DAPK1: variants seen among roughly 807,000 people sequenced by gnomAD.
DAPK1 encodes the protein death-associated protein kinase 1.
DAPK1 carries 56 observed loss-of-function variants against 144.9 expected under a neutral mutation model. The observed-to-expected ratio is 0.39, with a 90% CI of 0.31 to 0.48. DAPK1 has a LOEUF of 0.48. DAPK1 is among the 20% of genes least tolerant of loss of function. The probability of loss-of-function intolerance (pLI) is 0.95; values close to 1 mark genes in which losing one functional copy is unlikely to be tolerated. For missense variants in DAPK1, 1,454 were observed against 1,875.4 expected (o/e 0.78, Z 4.15); for synonymous variants, 690 against 749.0 (o/e 0.92, Z 1.29).
At chr9:87,667,056 G>A (rs371378349) in intron 18 of DAPK1, among the ~76,000 whole-genome samples, 6 of 152,260 alleles carry the variant, frequency 3.9e-5, no homozygotes, top group African/African-American at 1.2e-4. Context: ...GGAGCTGGGC[G>A]ACAGGATATT....
rs749200842 is a variant in DAPK1, at chr9:87,668,600, G to A, written c.1927G>A (p.Gly643Arg). 12 of 1,396,430 alleles carry A rather than the reference G, an allele frequency of 8.6e-6. No individual in the cohort carries two copies. The highest frequency in any genetic ancestry group is 3.5e-5 in the South Asian group (3 of 86,932). 86.5% of individuals were successfully genotyped at this position (1,396,430 alleles called of 1,614,324 possible). The change falls in exon 19 of 26, where the codon GGA becomes AGA. Residue 643 changes from glycine to arginine, a missense_variant. Physicochemically the swap from Gly to Arg is moderately radical, Grantham distance 125 (BLOSUM62 -2). Around this residue, in one of 2 missense-constraint regions of DAPK1, gnomAD observed 1,025 missense variants for 1,237.9 expected, o/e 0.83. Transcript: ENST00000408954. ...CTAATGCATTTTTCTCCAACAGGAC[G>A]GAAAGACGGCAGAAGATCTTGCTAG... ...GASVEALTTD[G>R]KTAEDLARSE...
intron 19 of DAPK1, among the ~76,000 whole-genome samples, chr9:87,676,080 A>G (rs1328592815): frequency 6.6e-6 from 1 of 152,106 alleles, no homozygotes; most frequent in East Asian, 1.9e-4. Context: ...CACACTGGAG[A>G]GCACTTCAAA....
chr9:87,614,744 T>G (rs1829038441), intron 3 of DAPK1, among the ~76,000 whole-genome samples: 1 of 152,156 alleles, frequency 6.6e-6, no homozygotes, highest in African/African-American at 2.4e-5. Context: ...CCCATCCTTG[T>G]CGTGGGCTCC....
chr9:87,634,511 C>T (rs548116266), intron 3 of DAPK1, among the ~76,000 whole-genome samples: 1 of 152,344 alleles, frequency 6.6e-6, no homozygotes, highest in East Asian at 1.9e-4. Context: ...AAAGCCACAG[C>T]AGGGCTGGCA....
At position 87,613,516 on chromosome 9, in the gene DAPK1, T is replaced by A. The variant is rs561375380; in HGVS notation, c.284+8341T>A. On this transcript the variant is annotated intron_variant, in intron 3 of 25. Coordinates refer to ENST00000408954, the MANE Select transcript of DAPK1 (RefSeq NM_004938.4). ...TTGGCTCACTCTCTCATAACCAAACTGAGATGCAAAATAATCAGAATACAA... is the reference window on the plus strand; with the variant it reads ...TTGGCTCACTCTCTCATAACCAAACAGAGATGCAAAATAATCAGAATACAA... 1.2e-3 allele frequency among the ~76,000 whole-genome samples: 184 copies of A among 152,342 alleles called. 1 individual carries two copies. Among genetic ancestry groups the A allele is most frequent in the African/African-American group, 4.3e-3 (178 of 41,574 alleles).
At position 87,660,595 on chromosome 9, in the gene DAPK1, T is replaced by C. The variant is rs183299721; in HGVS notation, c.1923+2468T>C. Among the ~76,000 whole-genome samples the C allele has an allele frequency of 4.6e-5, 7 of 152,142 alleles. No individual in the cohort carries two copies. In the East Asian group the frequency reaches 1.4e-3, roughly 30 times the overall value. ...TGTCCATCACTGGAGCAAAGCACATTGTACCCATCAAACAAACTCCCATCC... is the reference window on the plus strand; with the variant it reads ...TGTCCATCACTGGAGCAAAGCACATCGTACCCATCAAACAAACTCCCATCC... On this transcript the variant is annotated intron_variant, in intron 18 of 25. Coordinates refer to ENST00000408954, the MANE Select transcript of DAPK1 (RefSeq NM_004938.4).
intron 4 of DAPK1, 52 bp downstream of exon 4, chr9:87,638,133 G>A (rs748687882): frequency 1.3e-5 from 20 of 1,525,436 alleles, no homozygotes; most frequent in Admixed American, 2.0e-5. Context: ...CACAGCCTTG[G>A]TTGTTTCTCT....
intron 2 of DAPK1, among the ~76,000 whole-genome samples, chr9:87,545,277 A>T (rs1826202629): frequency 6.6e-6 from 1 of 152,196 alleles, no homozygotes; most frequent in Admixed American, 6.5e-5. Flanking sequence ...AATGAGCTTT[A>T]GAAAGGGTTC....
intron 2 of DAPK1, among the ~76,000 whole-genome samples, chr9:87,551,479 T>A (rs1395453277): frequency 6.6e-6 from 1 of 152,182 alleles, no homozygotes; most frequent in Non-Finnish European, 1.5e-5. Flanking sequence ...TCTGTTGGTT[T>A]CCCTTTGAGG....
chr9:87,692,657 C>T (rs887979621), intron 21 of DAPK1, among the ~76,000 whole-genome samples: 21 of 152,162 alleles, frequency 1.4e-4, no homozygotes, highest in African/African-American at 4.3e-4. Context: ...TTTATGCTTT[C>T]GTGTGTTTTC....
chr9:87,606,534 C>CTT (rs1156391211), intron 3 of DAPK1, among the ~76,000 whole-genome samples: 3 of 106,110 alleles, frequency 2.8e-5, no homozygotes, highest in South Asian at 4.1e-4. Flanking sequence ...TCCTTCCTTC[C>CTT]CCCCTCCCTC....
At chr9:87,635,346 A>G (rs571800114) in intron 3 of DAPK1, among the ~76,000 whole-genome samples, 5 of 152,174 alleles carry the variant, frequency 3.3e-5, no homozygotes, top group East Asian at 3.9e-4. Context: ...GACGTTTCTC[A>G]TTGTCTGAAA....
intron 2 of DAPK1, among the ~76,000 whole-genome samples, chr9:87,568,927 C>A (rs556673806): frequency 6.0e-4 from 91 of 152,234 alleles, no homozygotes; most frequent in African/African-American, 2.2e-3. Flanking sequence ...AGACTTTATA[C>A]TGAGAAAGGA....
intron 25 of DAPK1, among the ~76,000 whole-genome samples, chr9:87,704,658 T>C (rs1023760317): frequency 1.3e-5 from 2 of 152,220 alleles, no homozygotes; most frequent in African/African-American, 4.8e-5. Context: ...ATGAGCAGTG[T>C]TTAGGACCAA....
At chr9:87,620,720 CTG>C (rs774576594) in intron 3 of DAPK1, among the ~76,000 whole-genome samples, 1 of 151,804 alleles carries the variant, frequency 6.6e-6, no homozygotes, top group Non-Finnish European at 1.5e-5. Flanking sequence ...TGGTGGTGGT[CTG>C]TATTTCCCTG....
At chr9:87,681,214 G>GT (rs1186118624) in intron 19 of DAPK1, among the ~76,000 whole-genome samples, 190 bp from the exon 20 acceptor site, 3 of 151,832 alleles carry the variant, frequency 2.0e-5, no homozygotes, top group African/African-American at 7.3e-5. Context: ...GAAGGCAGAG[G>GT]TTGCGGTGAG....
intron 2 of DAPK1, among the ~76,000 whole-genome samples, chr9:87,545,807 A>G (rs2118509688): frequency 6.6e-6 from 1 of 152,056 alleles, no homozygotes; most frequent in East Asian, 1.9e-4. Flanking sequence ...AGCCTCCCAA[A>G]GTGCTGGGAT....
intron 2 of DAPK1, among the ~76,000 whole-genome samples, chr9:87,539,964 G>A (rs1261264989): frequency 6.6e-6 from 1 of 151,850 alleles, no homozygotes; most frequent in East Asian, 1.9e-4. Context: ...TAGTGATGCC[G>A]GCAATTCGGA....
At chr9:87,668,354 G>T in intron 18 of DAPK1, 2 of 491,734 alleles carry the variant, frequency 4.1e-6, no homozygotes, top group South Asian at 4.8e-5. Context: ...GAAAGGTGTC[G>T]CTATTGGACA....
Sources: allele counts gnomAD v4.1 joint callset (sites outside exome capture counted in the v4.1 genomes callset), GRCh38; gene constraint gnomAD v4.1.1; regional missense constraint gnomAD v4.1.1; transcripts MANE v1.5; gene names NCBI Gene and HGNC (gene_info 2026-07-23, HGNC 2026-07-21).